The following DENND1A variants were observed in gnomAD, a reference collection of about 807,000 sequenced individuals.
DENND1A encodes DENN domain-containing protein 1A.
In DENND1A, 51 loss-of-function variants were observed where a neutral mutation model predicts 113.7. The observed-to-expected ratio is 0.45, with a 90% CI of 0.36 to 0.57. DENND1A has a LOEUF of 0.57. Ranked by LOEUF, DENND1A falls within the 20% of genes least tolerant of loss-of-function variation. The probability of loss-of-function intolerance (pLI) is 0.00; values close to 1 mark genes in which losing one functional copy is unlikely to be tolerated. For synonymous variants in DENND1A, 565 were observed against 570.8 expected (o/e 0.99, Z 0.14); for missense variants, 1,258 against 1,395.9 (o/e 0.90, Z 1.57).
chr9:123,413,801 G>A, intron 19 of DENND1A: 1 of 985,410 alleles, frequency 1.0e-6, no homozygotes, highest in Non-Finnish European at 1.2e-6. Context: ...CTGGCTTACA[G>A]GAAGTGTGTG....
intron 5 of DENND1A, among the ~76,000 whole-genome samples, chr9:123,738,570 T>G (rs2068751722): frequency 6.6e-6 from 1 of 152,058 alleles, no homozygotes; most frequent in African/African-American, 2.4e-5. Flanking sequence ...CTTTCACCAT[T>G]CATTGGCTAT....
At chr9:123,679,511 T>A (rs2064304187) in intron 5 of DENND1A, among the ~76,000 whole-genome samples, 1 of 152,236 alleles carries the variant, frequency 6.6e-6, no homozygotes, top group Non-Finnish European at 1.5e-5. Context: ...TCTTTCTCCC[T>A]TTGGCCTGAC....
intron 13 of DENND1A, among the ~76,000 whole-genome samples, chr9:123,503,286 G>C (rs2052646741): frequency 6.6e-6 from 1 of 152,148 alleles, no homozygotes; most frequent in African/African-American, 2.4e-5. Flanking sequence ...CATCAAAGTG[G>C]AACAACAGCA....
intron 6 of DENND1A, among the ~76,000 whole-genome samples, chr9:123,672,539 G>A (rs968882079): frequency 6.6e-6 from 1 of 152,138 alleles, no homozygotes; most frequent in African/African-American, 2.4e-5. Context: ...GGTTTAAATG[G>A]TTCCCCCAAA....
intron 2 of DENND1A, among the ~76,000 whole-genome samples, chr9:123,845,353 T>C (rs1331477448): frequency 6.6e-6 from 1 of 152,024 alleles, no homozygotes; most frequent in Non-Finnish European, 1.5e-5. Context: ...CTTATAAGCA[T>C]ATATAAAAAT....
chr9:123,513,979 AG>A (rs2053659726), intron 13 of DENND1A, among the ~76,000 whole-genome samples: 1 of 151,986 alleles, frequency 6.6e-6, no homozygotes. Context: ...TTAGAACATG[AG>A]GGAAGAGTTT....
intron 5 of DENND1A, among the ~76,000 whole-genome samples, chr9:123,720,045 G>C (rs577809097): frequency 1.1e-4 from 16 of 152,268 alleles, no homozygotes; most frequent in East Asian, 1.9e-4. Flanking sequence ...AAATCATAAA[G>C]GCTTGCTTTG....
At chr9:123,533,018 A>C (rs1008500019) in intron 13 of DENND1A, among the ~76,000 whole-genome samples, 1 of 152,252 alleles carries the variant, frequency 6.6e-6, no homozygotes, top group Non-Finnish European at 1.5e-5. Context: ...AAGTACACAT[A>C]GGACATTTTA....
chr9:123,423,748 C>T (rs866237701), intron 19 of DENND1A, among the ~76,000 whole-genome samples: 4 of 152,232 alleles, frequency 2.6e-5, no homozygotes, highest in Middle Eastern at 3.4e-3. Context: ...CCCTGATGCA[C>T]CAAGATACAC....
At chr9:123,833,159 G>GA (rs959121345) in intron 2 of DENND1A, among the ~76,000 whole-genome samples, 88 of 88,422 alleles carry the variant, frequency 1.0e-3, no homozygotes, top group African/African-American at 3.2e-3. Flanking sequence ...GGAAACGAAA[G>GA]AAAAAAAAAC....
intron 1 of DENND1A, among the ~76,000 whole-genome samples, chr9:123,889,768 T>C (rs1588105591): frequency 6.6e-6 from 1 of 151,294 alleles, no homozygotes. Context: ...AGGTCAGGAG[T>C]TCAAGACCAG....
intron 21 of DENND1A, among the ~76,000 whole-genome samples, chr9:123,393,281 G>A (rs2042949258): frequency 6.6e-6 from 1 of 152,160 alleles, no homozygotes; most frequent in Admixed American, 6.6e-5. Context: ...ATCCTGTGCA[G>A]GGTCTTTCCT....
At chr9:123,900,204 A>G (rs1341519079) in intron 1 of DENND1A, among the ~76,000 whole-genome samples, 1 of 152,228 alleles carries the variant, frequency 6.6e-6, no homozygotes, top group Non-Finnish European at 1.5e-5. Flanking sequence ...TGGGAGTTAA[A>G]CATATAAATA....
At chr9:123,610,648 T>C (rs1339961564) in intron 10 of DENND1A, among the ~76,000 whole-genome samples, 8 of 152,192 alleles carry the variant, frequency 5.3e-5, no homozygotes, top group Non-Finnish European at 4.4e-5. Flanking sequence ...AATGTGCAGA[T>C]GGTATTTTGT....
chr9:123,735,763 C>T (rs549305744), intron 5 of DENND1A, among the ~76,000 whole-genome samples: 3 of 152,258 alleles, frequency 2.0e-5, no homozygotes, highest in African/African-American at 7.2e-5. Context: ...CTTTGGGAGG[C>T]CAAGATGGGT....
chr9:123,508,098 A>G (rs999293407), intron 13 of DENND1A, among the ~76,000 whole-genome samples: 21 of 152,170 alleles, frequency 1.4e-4, no homozygotes, highest in Non-Finnish European at 2.6e-4. Context: ...AGGCAAAGAG[A>G]GATGGGACTC....
rs185910315 is a variant in DENND1A at position 123,790,105 on chromosome 9, C to T, written c.132+2482G>A. 1.6e-4 allele frequency among the ~76,000 whole-genome samples: 24 copies of T among 151,696 alleles called. No individual in the cohort carries two copies. The East Asian group carries it at 3.5e-3, about 22-fold the overall frequency. On this transcript the variant is annotated intron_variant, in intron 3 of 23. Transcript: ENST00000394215. ...AATGTTTTAATACTAGAAATGTTGT[C>T]GAGATTAAGTGCATATTCAGCATTT...
intron 5 of DENND1A, among the ~76,000 whole-genome samples, chr9:123,734,851 T>C (rs772644528): frequency 6.6e-6 from 1 of 152,134 alleles, no homozygotes; most frequent in Non-Finnish European, 1.5e-5. Context: ...TTTTTTTATT[T>C]TTTAAAAAAA....
intron 8 of DENND1A, among the ~76,000 whole-genome samples, chr9:123,663,215 G>A (rs1421580802): frequency 6.6e-6 from 1 of 152,104 alleles, no homozygotes; most frequent in Non-Finnish European, 1.5e-5. Context: ...ACTAAAAAAT[G>A]AGTTGCTAAA....
Sources: gnomAD v4.1 joint callset for allele counts (sites outside exome capture counted in the v4.1 genomes callset) on GRCh38, gnomAD v4.1.1 for gene constraint, MANE v1.5 for transcripts, NCBI Gene and HGNC (gene_info 2026-07-23, HGNC 2026-07-21) for gene names.